EPB41L3: variants seen among roughly 807,000 people sequenced by gnomAD.
The protein encoded by EPB41L3 is band 4.1-like protein 3.
EPB41L3 carries 57 observed loss-of-function variants against 127.1 expected under a neutral mutation model. The ratio of observed to expected loss-of-function variants is 0.45; its 90% CI spans 0.36 to 0.56. EPB41L3 has a LOEUF of 0.56. Among genes scored for constraint, EPB41L3 ranks in the 20% least tolerant of loss-of-function variants. The probability of loss-of-function intolerance (pLI) is 0.00; values close to 1 mark genes in which losing one functional copy is unlikely to be tolerated. For synonymous variants in EPB41L3, 572 were observed against 549.5 expected (o/e 1.04, Z -0.57); for missense variants, 1,273 against 1,372.2 (o/e 0.93, Z 1.14).
At chr18:5,464,693 A>C (rs1469384298) in intron 3 of EPB41L3, among the ~76,000 whole-genome samples, 4 of 152,184 alleles carry the variant, frequency 2.6e-5, no homozygotes, top group African/African-American at 7.2e-5. Context: ...CTTGCTATGG[A>C]AGGGCAAATA....
At chr18:5,508,766 C>CAAAAAAAAAAAA (rs397969769) in intron 1 of EPB41L3, among the ~76,000 whole-genome samples, 1 of 52,596 alleles carries the variant, frequency 1.9e-5, no homozygotes. Flanking sequence ...GACTCCATCT[C>CAAAAAAAAAAAA]AAAAAAAAAA....
chr18:5,531,647 T>TGGGAGGTGGAGG (rs561077210), intron 1 of EPB41L3, among the ~76,000 whole-genome samples: 211 of 141,898 alleles, frequency 1.5e-3, no homozygotes, highest in Non-Finnish European at 2.6e-3. Context: ...CACTTGAACC[T>TGGGAGGTGGAGG]GGGAGGTGGA....
chr18:5,609,379 A>G (rs975616648), intron 3 of EPB41L3, among the ~76,000 whole-genome samples: 18 of 152,308 alleles, frequency 1.2e-4, no homozygotes, highest in Admixed American at 1.1e-3. Flanking sequence ...GTATTGAAAA[A>G]CATTTTTTTG....
intron 8 of EPB41L3, among the ~76,000 whole-genome samples, chr18:5,433,052 A>G (rs1427643974): frequency 6.6e-6 from 1 of 152,226 alleles, no homozygotes; most frequent in Non-Finnish European, 1.5e-5. Context: ...GATAGTCCAG[A>G]GACGGACATA....
At position 5,394,310 on chromosome 18, in the gene EPB41L3, C is replaced by A. The variant is rs532266486; in HGVS notation, c.*6+367G>T. 23 of 173,184 alleles carry A rather than the reference C, an allele frequency of 1.3e-4. No individual in the cohort carries two copies. In the South Asian group the frequency reaches 3.8e-3, roughly 29 times the overall value. The allele number at this position is 173,184 out of a possible 1,614,324, so 10.7% of individuals were successfully genotyped here. On this transcript the variant is annotated intron_variant, in intron 22 of 22. Coordinates refer to ENST00000341928, the MANE Select transcript of EPB41L3 (RefSeq NM_012307.5). ...AACACACAAATTGAGCCTCTCAGAG[C>A]AAAACTGCCTTTGTTCCAATTAGGC...
chr18:5,407,051 T>C, intron 15 of EPB41L3, 83 bp from the exon 16 acceptor site: 2 of 1,347,538 alleles, frequency 1.5e-6, no homozygotes, highest in South Asian at 1.3e-5. Context: ...TTAAAAGTAA[T>C]GTCAATCTTA....
Position 5,416,041 on chromosome 18 carries a change from T to C in EPB41L3, c.1844A>G (p.Asn615Ser). The C allele has an allele frequency of 4.3e-6, 7 of 1,612,884 alleles. No individual in the cohort carries two copies. Among genetic ancestry groups the C allele is most frequent in the Non-Finnish European group, 5.9e-6 (7 of 1,179,658 alleles). Residue 615 changes from asparagine (N) to serine (S), a missense_variant, in exon 13 of 23, where the codon AAC becomes AGC. By Grantham distance (46) the Asn-to-Ser change is conservative. Coordinates refer to ENST00000341928, the MANE Select transcript of EPB41L3 (RefSeq NM_012307.5). ...YLSFPNLSET[N>S]LLPQSLQHYL... ...ATGCTGCAAGCTCTGGGGCAGGAGG[T>C]TGGTTTCAGAAAGGTTGGGGAAAGA...
Position 5,407,739 on chromosome 18 carries a change from G to T in EPB41L3, c.2122-3C>A, listed in dbSNP as rs376928619. ...TCTGCATCTTCCTCCTGGTCCGACT[G>T]CCAGCATCAAGAAAGAGTGGGAAAT... On this transcript the variant is annotated splice_polypyrimidine_tract_variant and splice_region_variant and intron_variant, in intron 14 of 22. Transcript: ENST00000341928. 1 of 1,613,794 alleles carries T rather than the reference G, an allele frequency of 6.2e-7. No homozygotes were observed. The highest frequency in any genetic ancestry group is 8.5e-7 in the Non-Finnish European group (1 of 1,179,766).
chr18:5,518,232 A>T (rs993456897), intron 1 of EPB41L3, among the ~76,000 whole-genome samples: 9 of 151,010 alleles, frequency 6.0e-5, no homozygotes, highest in Non-Finnish European at 7.4e-5. Context: ...GATCCTCGCC[A>T]CCTCCAACCC....
intron 3 of EPB41L3, among the ~76,000 whole-genome samples, chr18:5,557,687 T>C (rs2149183531): frequency 6.6e-6 from 1 of 152,296 alleles, no homozygotes; most frequent in South Asian, 2.1e-4. Context: ...GCCCAGGCAC[T>C]CAAAACATTT....
At position 5,437,372 on chromosome 18, in the gene EPB41L3, A is replaced by G. The variant is rs149839342; in HGVS notation, c.605+663T>C. 6.3e-3 allele frequency among the ~76,000 whole-genome samples: 952 copies of G among 152,300 alleles called. 4 individuals are homozygous for G. Among genetic ancestry groups the G allele is most frequent in the Non-Finnish European group, 0.011 (725 of 68,026 alleles). ...CAGGACCTGACCTGCGGGCACCCTG[A>G]TCTCAAACTTCTAGTCTCCAGAATG... is the stretch of plus-strand genomic sequence containing the variant. On this transcript the variant is annotated intron_variant, in intron 6 of 22. Coordinates refer to ENST00000341928, the MANE Select transcript of EPB41L3 (RefSeq NM_012307.5).
At chr18:5,542,406 C>T (rs750195547) in intron 1 of EPB41L3, among the ~76,000 whole-genome samples, 2 of 152,180 alleles carry the variant, frequency 1.3e-5, no homozygotes, top group African/African-American at 2.4e-5. Context: ...GAAGTTAATG[C>T]TACCAAGACA....
At chr18:5,453,940 G>A (rs1047628020) in intron 3 of EPB41L3, among the ~76,000 whole-genome samples, 2 of 152,012 alleles carry the variant, frequency 1.3e-5, no homozygotes, top group Non-Finnish European at 2.9e-5. Context: ...TTTCCTCACT[G>A]AATGCCTTTT....
At chr18:5,614,917 T>A (rs1483203839) in intron 1 of EPB41L3, among the ~76,000 whole-genome samples, 1 of 152,178 alleles carries the variant, frequency 6.6e-6, no homozygotes, top group Non-Finnish European at 1.5e-5. Flanking sequence ...TGTAGCTATG[T>A]CAGGGTCAGG....
At chr18:5,607,900 G>A (rs2094679650) in intron 3 of EPB41L3, among the ~76,000 whole-genome samples, 1 of 141,454 alleles carries the variant, frequency 7.1e-6, no homozygotes, top group African/African-American at 3.1e-5. Context: ...ACCTTTGAAG[G>A]GCCAGGAAGA....
intron 14 of EPB41L3, among the ~76,000 whole-genome samples, chr18:5,408,557 G>A (rs191675659): frequency 4.0e-4 from 60 of 151,876 alleles, no homozygotes; most frequent in African/African-American, 1.4e-3. Context: ...TTACAGGAGT[G>A]AGCCACCACG....
chr18:5,432,662 G>A (rs532177917), intron 8 of EPB41L3, among the ~76,000 whole-genome samples: 1 of 152,242 alleles, frequency 6.6e-6, no homozygotes, highest in African/African-American at 2.4e-5. Context: ...TGAAAAGTAC[G>A]AAGATTCCAG....
intron 3 of EPB41L3, among the ~76,000 whole-genome samples, chr18:5,465,001 G>C (rs2084700054): frequency 6.6e-6 from 1 of 152,184 alleles, no homozygotes; most frequent in Non-Finnish European, 1.5e-5. Flanking sequence ...GACAAGCACT[G>C]AAAGTCACAA....
At chr18:5,481,867 G>GT (rs2088616128) in intron 2 of EPB41L3, among the ~76,000 whole-genome samples, 1 of 152,192 alleles carries the variant, frequency 6.6e-6, no homozygotes, top group African/African-American at 2.4e-5. Context: ...CGCCAAAGAG[G>GT]TGGCAGAGGC....
Sources: gnomAD v4.1 joint callset for allele counts (sites outside exome capture counted in the v4.1 genomes callset) on GRCh38, gnomAD v4.1.1 for gene constraint, MANE v1.5 for transcripts, NCBI Gene and HGNC (gene_info 2026-07-23, HGNC 2026-07-21) for gene names.